The following ABCB4 variants were observed in gnomAD, a reference collection of about 807,000 sequenced individuals.
The protein encoded by ABCB4 is ATP binding cassette subfamily B member 4, also known as phosphatidylcholine translocator ABCB4.
A neutral mutation model predicts 145.7 loss-of-function variants in ABCB4; 76 were observed. That is an observed-to-expected ratio of 0.52 (90% CI 0.43 to 0.63). The LOEUF (loss-of-function observed/expected upper bound fraction) is 0.63. ABCB4 is among the 30% of genes least tolerant of loss of function. The pLI is 0.00. For missense variants in ABCB4, 1,234 were observed against 1,553.1 expected, an observed-to-expected ratio of 0.79 and a Z score of 3.45; for synonymous variants, 517 against 566.8, an observed-to-expected ratio of 0.91 and a Z score of 1.25.
At chr7:87,445,313 G>A (rs1811271859) in intron 9 of ABCB4, among the ~76,000 whole-genome samples, 2 of 152,038 alleles carry the variant, frequency 1.3e-5, no homozygotes, top group Non-Finnish European at 2.9e-5. Flanking sequence ...ACTATGCATG[G>A]AATTACATAG....
chr7:87,436,051 T>A (rs1433581686), intron 14 of ABCB4, among the ~76,000 whole-genome samples: 1 of 152,168 alleles, frequency 6.6e-6, no homozygotes, highest in Non-Finnish European at 1.5e-5. Context: ...CTGAGGAGAT[T>A]TCAGACATCT....
At chr7:87,467,801 C>T (rs906224525) in intron 3 of ABCB4, among the ~76,000 whole-genome samples, 5 of 151,982 alleles carry the variant, frequency 3.3e-5, no homozygotes, top group African/African-American at 4.8e-5. Context: ...GACTACTGGG[C>T]ACATAACGAA....
the ABCB4 span, among the ~76,000 whole-genome samples, chr7:87,396,426 G>A: frequency 3.9e-5 from 6 of 152,142 alleles, no homozygotes; most frequent in South Asian, 2.1e-4. Context: ...TCACAGAAGC[G>A]TTCTGATTAT....
rs1808206321 is a variant in ABCB4 at position 87,406,502 on chromosome 7, C to A, written c.3280-8G>T. ...TTCTTGACCATCGAGAAGCTGAAAA[C>A]CAAAGTCCACAAACTATAAGAAGGG... is the stretch of plus-strand genomic sequence containing the variant. On this transcript the variant is annotated splice_region_variant and splice_polypyrimidine_tract_variant and intron_variant, in intron 25 of 27. Transcript: ENST00000649586. The A allele has an allele frequency of 6.2e-7, 1 of 1,613,192 alleles. No individual in the cohort carries two copies. The highest frequency in any genetic ancestry group is 8.5e-7 in the Non-Finnish European group (1 of 1,179,826).
the ABCB4 span, chr7:87,369,271 A>C: frequency 1.5e-6 from 1 of 674,464 alleles, no homozygotes; most frequent in Non-Finnish European, 2.6e-6. Flanking sequence ...CTATATGATA[A>C]ATAAAATACT....
chr7:87,384,419 C>A, the ABCB4 span, among the ~76,000 whole-genome samples: 1 of 152,148 alleles, frequency 6.6e-6, no homozygotes, highest in Non-Finnish European at 1.5e-5. Flanking sequence ...GTACCTCTAC[C>A]TACTCAGGAG....
intron 21 of ABCB4, among the ~76,000 whole-genome samples, chr7:87,413,961 C>G (rs1192229718): frequency 6.6e-6 from 1 of 152,204 alleles, no homozygotes; most frequent in South Asian, 2.1e-4. Context: ...CAGCTAAGGG[C>G]AAGAACTGTG....
intron 4 of ABCB4, among the ~76,000 whole-genome samples, chr7:87,462,485 C>G (rs1812527185): frequency 1.3e-5 from 2 of 152,166 alleles, no homozygotes; most frequent in African/African-American, 4.8e-5. Flanking sequence ...CCACTGTTCT[C>G]AAGTAGAGTG....
chr7:87,379,732 TG>T, the ABCB4 span, among the ~76,000 whole-genome samples: 1 of 152,244 alleles, frequency 6.6e-6, no homozygotes, highest in Non-Finnish European at 1.5e-5. Context: ...CCTGATAATT[TG>T]CATTAAATTC....
In ABCB4 at chr7:87,452,968, G is replaced by T; in HGVS notation, c.512C>A (p.Thr171Asn). ...CTCTGTTAGCCGCGTATTGAGTTCA[G>T]TGGTGTCGTTGATGTCAAACCATCC... ...EIGWFDINDT[T>N]ELNTRLTDDI... The change falls in exon 6 of 28, where the codon ACT becomes AAT. Residue 171 changes from threonine to asparagine, a missense_variant. By Grantham distance (65) the Thr-to-Asn change is moderately conservative. Around this residue, in one of 7 missense-constraint regions of ABCB4, gnomAD observed 467 missense variants for 632.8 expected, o/e 0.74. Transcript: ENST00000649586. 2 of 1,614,060 alleles carry T rather than the reference G, an allele frequency of 1.2e-6. No homozygotes were observed. Among genetic ancestry groups the T allele is most frequent in the Non-Finnish European group, 1.7e-6 (2 of 1,179,978 alleles).
downstream of ABCB4, among the ~76,000 whole-genome samples, chr7:87,400,326 A>G (rs1807727093): frequency 2.6e-5 from 4 of 152,220 alleles, no homozygotes; most frequent in African/African-American, 9.7e-5. Flanking sequence ...ATATATGTAA[A>G]GATTACATCA....
At chr7:87,370,836 G>A in the ABCB4 span, among the ~76,000 whole-genome samples, 25 of 152,166 alleles carry the variant, frequency 1.6e-4, no homozygotes, top group African/African-American at 5.8e-4. Flanking sequence ...TCTGTCTGGA[G>A]CACACCCAGG....
chr7:87,457,036 T>C (rs1484307931), intron 4 of ABCB4, among the ~76,000 whole-genome samples: 1 of 152,134 alleles, frequency 6.6e-6, no homozygotes, highest in African/African-American at 2.4e-5. Flanking sequence ...TAGAATTACA[T>C]GGGGAGCTTA....
At position 87,453,138 on chromosome 7, in the gene ABCB4, G is replaced by GA. The variant is rs747947732; in HGVS notation, c.345-4dup. 45 of 1,609,746 alleles carry GA rather than the reference G, an allele frequency of 2.8e-5. No individual in the cohort carries two copies. The highest frequency in any genetic ancestry group is 3.5e-5 in the Non-Finnish European group (41 of 1,177,932). On this transcript the variant is annotated splice_region_variant and splice_polypyrimidine_tract_variant and intron_variant, in intron 5 of 27. Coordinates refer to ENST00000649586, the MANE Select transcript of ABCB4 (RefSeq NM_000443.4). ...ATCCTGAGTAGTAATATGCATATCT[G>GA]AAAAAAAAGAGAAAGGCTCTATTAA...
Position 87,427,822 on chromosome 7 carries a change from C to T in ABCB4, c.1894-902G>A, listed in dbSNP as rs45438892. Among the ~76,000 whole-genome samples, 546 of 152,240 alleles carry T rather than the reference C, an allele frequency of 3.6e-3. 3 individuals carry two copies. Among genetic ancestry groups the T allele is most frequent in the African/African-American group, 0.013 (521 of 41,518 alleles). ...CCATGTGCTTATATATTGCCTTGAA[C>T]CACATTGCAGTGATATGTTCTGCTT... is the stretch of plus-strand genomic sequence containing the variant. On this transcript the variant is annotated intron_variant, in intron 15 of 27. Coordinates refer to ENST00000649586, the MANE Select transcript of ABCB4 (RefSeq NM_000443.4).
downstream of ABCB4, among the ~76,000 whole-genome samples, chr7:87,396,815 T>G (rs1807540957): frequency 6.6e-6 from 1 of 152,204 alleles, no homozygotes; most frequent in Non-Finnish European, 1.5e-5. Context: ...ACTGTATATT[T>G]ACACTGTAAA....
intron 15 of ABCB4, among the ~76,000 whole-genome samples, chr7:87,430,412 T>C (rs1226539647): frequency 6.6e-6 from 1 of 152,212 alleles, no homozygotes; most frequent in Non-Finnish European, 1.5e-5. Context: ...TCTTAGGTTA[T>C]TTATTCTGCA....
chr7:87,459,193 T>C (rs1812295109), intron 4 of ABCB4, among the ~76,000 whole-genome samples: 1 of 152,216 alleles, frequency 6.6e-6, no homozygotes, highest in Admixed American at 6.5e-5. Context: ...TATTTTTAAG[T>C]GTACAGTTCA....
chr7:87,370,550 A>G, the ABCB4 span, among the ~76,000 whole-genome samples: 1 of 152,348 alleles, frequency 6.6e-6, no homozygotes, highest in East Asian at 1.9e-4. Context: ...ATTGTTGGGT[A>G]TATATATCTA....
Sources: gnomAD v4.1 joint callset for allele counts (sites outside exome capture counted in the v4.1 genomes callset) on GRCh38, gnomAD v4.1.1 for gene constraint, gnomAD v4.1.1 regional missense constraint, MANE v1.5 for transcripts, NCBI Gene and HGNC (gene_info 2026-07-23, HGNC 2026-07-21) for gene names.